Variants in VAMP7 observed in about 807,000 individuals in gnomAD.
The protein encoded by VAMP7 is vesicle-associated membrane protein 7.
Under a neutral mutation model 29.6 loss-of-function variants are expected in VAMP7, and 14 were observed. The ratio of observed to expected loss-of-function variants is 0.47; its 90% CI spans 0.31 to 0.74. The LOEUF is 0.74. Among genes scored for constraint, VAMP7 ranks in the 30% least tolerant of loss-of-function variants. The pLI is 0.05. For synonymous variants in VAMP7, 95 were observed against 88.1 expected (o/e 1.08, Z -0.44); for missense variants, 223 against 262.4 (o/e 0.85, Z 1.04).
chrX:155,913,514 T>TTTAA (rs2066267988), intron 5 of VAMP7, among the ~76,000 whole-genome samples: 1 of 152,292 alleles, frequency 6.6e-6, no homozygotes, highest in Admixed American at 6.5e-5. Context: ...AAGTCTTATG[T>TTTAA]TTAAGTCTTT....
intron 6 of VAMP7, among the ~76,000 whole-genome samples, chrX:155,922,345 T>G (rs2066408182): frequency 6.6e-6 from 1 of 152,062 alleles, no homozygotes; most frequent in East Asian, 1.9e-4. Flanking sequence ...AAAAATAAAT[T>G]CAGTGTTAAG....
At chrX:155,894,668 T>G (rs1191948130) in intron 2 of VAMP7, among the ~76,000 whole-genome samples, 1 of 152,040 alleles carries the variant, frequency 6.6e-6, no homozygotes, top group Non-Finnish European at 1.5e-5. Context: ...CAGGCTGGAG[T>G]GCAGTGGCGC....
At chrX:155,939,934 T>C in intron 7 of VAMP7, 141 bp downstream of exon 7, 3 of 709,554 alleles carry the variant, frequency 4.2e-6, no homozygotes, top group Non-Finnish European at 7.4e-6. Context: ...AGGCAGTGGC[T>C]TTCCTATGAA....
intron 5 of VAMP7, among the ~76,000 whole-genome samples, chrX:155,912,405 G>T (rs1348561655): frequency 2.0e-5 from 3 of 151,976 alleles, no homozygotes; most frequent in Non-Finnish European, 4.4e-5. Flanking sequence ...TACATGTGCA[G>T]AATGTGCAGC....
chrX:155,919,657 A>AT (rs2066366042), intron 5 of VAMP7, among the ~76,000 whole-genome samples, 156 bp from the exon 6 acceptor site: 1 of 152,182 alleles, frequency 6.6e-6, no homozygotes, highest in Non-Finnish European at 1.5e-5. Context: ...CAGGTGGGCT[A>AT]GTCCTTGTTT....
At chrX:155,901,706 G>C (rs5983816) in intron 5 of VAMP7, among the ~76,000 whole-genome samples, 90,289 of 151,756 alleles carry the variant, frequency 0.59, 26,922 homozygotes, top group East Asian at 0.69. Flanking sequence ...ATTTCTGAGG[G>C]CTCTGTTCTG....
At chrX:155,938,786 A>G (rs1327252323) in intron 6 of VAMP7, among the ~76,000 whole-genome samples, 4 of 152,198 alleles carry the variant, frequency 2.6e-5, no homozygotes, top group Admixed American at 2.6e-4. Flanking sequence ...ACTGCACTCC[A>G]GCTTGGGCGA....
chrX:155,940,305 C>A (rs2066725206), intron 7 of VAMP7, among the ~76,000 whole-genome samples: 1 of 152,030 alleles, frequency 6.6e-6, no homozygotes, highest in South Asian at 2.1e-4. Flanking sequence ...TGCCTTTCCT[C>A]CCCATCCTCC....
rs774365426 is a variant in VAMP7 at position 155,941,948 on chromosome X, A to G, written c.660A>G (p.Lys220=). 2 of 1,613,840 alleles carry G rather than the reference A, an allele frequency of 1.2e-6. No homozygotes were observed. Among genetic ancestry groups the G allele is most frequent in the Non-Finnish European group, 1.7e-6 (2 of 1,179,828 alleles). ...GGFTWPSCVK[K] ...TTACATGGCCAAGCTGTGTGAAGAA[A>G]TAGGAAAGAAGAAGTTACCATTAAC... The change falls in exon 8 of 8, where the codon AAA becomes AAG. Residue 220 remains lysine, a synonymous_variant. Coordinates refer to ENST00000286448, the MANE Select transcript of VAMP7 (RefSeq NM_005638.6).
rs376652711 is a variant in VAMP7 at position 155,908,236 on chromosome X, G to A, written c.433+7649G>A. On this transcript the variant is annotated intron_variant, in intron 5 of 7. Transcript: ENST00000286448. ...TGGGAGGTGGAGGTTGCAGCGAGCC[G>A]AGATCGCGCCACTGCACTCCAGCCT... Among the ~76,000 whole-genome samples, 10 of 152,300 alleles carry A rather than the reference G, an allele frequency of 6.6e-5. No individual in the cohort carries two copies. In the East Asian group the frequency reaches 1.4e-3, roughly 21 times the overall value.
At chrX:155,931,210 C>A (rs1262338579) in intron 6 of VAMP7, among the ~76,000 whole-genome samples, 1 of 152,092 alleles carries the variant, frequency 6.6e-6, no homozygotes, top group African/African-American at 2.4e-5. Context: ...ATTTATAATC[C>A]TTTGGGTATA....
At chrX:155,887,191 C>G (rs2065875283) in intron 1 of VAMP7, among the ~76,000 whole-genome samples, 1 of 152,138 alleles carries the variant, frequency 6.6e-6, no homozygotes. Flanking sequence ...CTACCTTTCC[C>G]TCAACTGTTG....
At position 155,919,860 on chromosome X, in the gene VAMP7, A is replaced by G; in HGVS notation, c.481A>G (p.Thr161Ala). 1 of 1,613,244 alleles carries G rather than the reference A, an allele frequency of 6.2e-7. No homozygotes were observed. Residue 161 changes from threonine (T) to alanine (A), a missense_variant, in exon 6 of 8, where the codon ACA becomes GCA. Coordinates refer to ENST00000286448, the MANE Select transcript of VAMP7 (RefSeq NM_005638.6). ...AAGATTGGAATTATTGATTGACAAA[A>G]CAGAAAATCTTGTGGATTCTGTAAG... ...GERLELLIDK[T>A]ENLVDSSVTF...
intron 1 of VAMP7, among the ~76,000 whole-genome samples, chrX:155,884,220 C>T (rs1394419277): frequency 2.6e-5 from 4 of 152,102 alleles, no homozygotes; most frequent in East Asian, 1.9e-4. Context: ...CTCCACTTCC[C>T]GGGTTCAAGC....
At chrX:155,923,678 C>T (rs962530991) in intron 6 of VAMP7, among the ~76,000 whole-genome samples, 11 of 151,168 alleles carry the variant, frequency 7.3e-5, no homozygotes, top group African/African-American at 2.7e-4. Flanking sequence ...CTTTATGTTT[C>T]TTTGGCTTTG....
chrX:155,903,474 T>C (rs1320570935), intron 5 of VAMP7, among the ~76,000 whole-genome samples: 3 of 151,760 alleles, frequency 2.0e-5, no homozygotes, highest in Non-Finnish European at 4.4e-5. Context: ...AGAGCTAATA[T>C]CCAGAATCTA....
chrX:155,891,384 G>A (rs1382436788), intron 2 of VAMP7, among the ~76,000 whole-genome samples: 17 of 152,130 alleles, frequency 1.1e-4, no homozygotes, highest in Admixed American at 1.1e-3. Context: ...TAGTCACTGT[G>A]TTTGGCTCCA....
chrX:155,932,726 A>C (rs1307427366), intron 6 of VAMP7, among the ~76,000 whole-genome samples: 1 of 152,182 alleles, frequency 6.6e-6, no homozygotes, highest in East Asian at 1.9e-4. Context: ...TGCCCTGGCC[A>C]GAACTTCCAA....
intron 4 of VAMP7, among the ~76,000 whole-genome samples, chrX:155,898,747 A>T (rs1356862874): frequency 6.6e-6 from 1 of 152,046 alleles, no homozygotes; most frequent in Non-Finnish European, 1.5e-5. Flanking sequence ...AAGTTCCCTC[A>T]TATCCCTTAC....
Sources: allele counts gnomAD v4.1 joint callset (sites outside exome capture counted in the v4.1 genomes callset), GRCh38; gene constraint gnomAD v4.1.1; transcripts MANE v1.5; gene names NCBI Gene and HGNC (gene_info 2026-07-23, HGNC 2026-07-21).